The following LPIN2 variants were observed in gnomAD, a reference collection of about 807,000 sequenced individuals.
The protein encoded by LPIN2 is phosphatidate phosphatase LPIN2.
LPIN2 carries 55 observed loss-of-function variants against 111.4 expected under a neutral mutation model. The observed-to-expected ratio is 0.49, with a 90% confidence interval of 0.40 to 0.62. The LOEUF is 0.62. LPIN2 is among the 20% of genes least tolerant of loss of function. LPIN2 has a pLI of 0.00. For synonymous variants in LPIN2, 425 were observed against 414.0 expected (o/e 1.03, Z -0.32); for missense variants, 992 against 1,112.1 (o/e 0.89, Z 1.54).
intron 13 of LPIN2, among the ~76,000 whole-genome samples, chr18:2,926,084 C>T (rs1347550582): frequency 6.6e-6 from 1 of 152,146 alleles, no homozygotes; most frequent in East Asian, 1.9e-4. Flanking sequence ...ATGATTATGC[C>T]ATTGCACCCC....
chr18:2,965,928 A>T (rs548920012), intron 1 of LPIN2, among the ~76,000 whole-genome samples: 6 of 152,174 alleles, frequency 3.9e-5, no homozygotes, highest in Non-Finnish European at 2.9e-5. Context: ...AAATGGACAC[A>T]TTCTATTTAC....
intron 4 of LPIN2, among the ~76,000 whole-genome samples, chr18:2,942,022 T>A (rs1191259167): frequency 6.6e-6 from 1 of 152,224 alleles, no homozygotes; most frequent in Non-Finnish European, 1.5e-5. Context: ...AGATAATAAA[T>A]GTAAATGAGA....
intron 8 of LPIN2, among the ~76,000 whole-genome samples, chr18:2,933,058 T>C (rs764967810): frequency 4.0e-4 from 61 of 152,244 alleles, no homozygotes; most frequent in Non-Finnish European, 1.6e-4. Flanking sequence ...GTGTGATTTA[T>C]ATTAAAGTTT....
chr18:2,958,011 A>C (rs897387461), intron 2 of LPIN2, among the ~76,000 whole-genome samples: 3 of 151,570 alleles, frequency 2.0e-5, no homozygotes, highest in African/African-American at 7.3e-5. Flanking sequence ...GCGTGGTAGC[A>C]CGCGCCTATA....
intron 1 of LPIN2, among the ~76,000 whole-genome samples, chr18:3,005,837 G>T (rs1014168790): frequency 6.6e-6 from 1 of 152,166 alleles, no homozygotes; most frequent in Non-Finnish European, 1.5e-5. Context: ...ACCAACCTGG[G>T]CAACACAGCA....
chr18:3,007,758 T>C (rs2078538755), intron 1 of LPIN2, among the ~76,000 whole-genome samples: 3 of 152,370 alleles, frequency 2.0e-5, no homozygotes, highest in South Asian at 2.1e-4. Context: ...GAGCTTCTAA[T>C]TCATATTAAC....
Position 2,927,776 on chromosome 18 carries a change from T to C in LPIN2, c.1656A>G (p.Pro552=). The change falls in exon 12 of 20, where the codon CCA becomes CCG. Residue 552 remains proline, a synonymous_variant. Coordinates refer to ENST00000677752, the MANE Select transcript of LPIN2 (RefSeq NM_001375808.2). ...TVESWVKDKM[P]KKSGRWWFWR... ...AAAACCACCAGCGACCAGATTTCTTTGGCATCTTGTCTTTCACCCAGGACT... is the reference window on the plus strand; with the variant it reads ...AAAACCACCAGCGACCAGATTTCTTCGGCATCTTGTCTTTCACCCAGGACT... 1 of 1,614,226 alleles carries C rather than the reference T, an allele frequency of 6.2e-7. No individual in the cohort carries two copies. The highest frequency in any genetic ancestry group is 2.2e-5 in the East Asian group (1 of 44,876).
chr18:2,927,648 C>T, intron 12 of LPIN2, 74 bp downstream of exon 12: 1 of 1,543,228 alleles, frequency 6.5e-7, no homozygotes, highest in Non-Finnish European at 9.0e-7. Flanking sequence ...CTGTGCCTGA[C>T]AAAAAGGTTT....
chr18:2,926,659 T>C lies in LPIN2; in HGVS notation c.1793+64A>G, dbSNP rs1005831703. The C allele has an allele frequency of 4.9e-6, 7 of 1,420,164 alleles. No individual in the cohort carries two copies. The Admixed American group carries it at 5.3e-5, about 11-fold the overall frequency. 88.0% of individuals were successfully genotyped at this position (1,420,164 alleles called of 1,614,324 possible). A position where few individuals can be genotyped will look rare whatever the true frequency, so the allele number is the denominator to read the frequency against. Reference sequence around the variant, plus strand: ...ACTAAACAAGCTGCCAAAATCAACTTAGAAGTAATGGCCCTGCTAGAGGGC... The same window carrying C: ...ACTAAACAAGCTGCCAAAATCAACTCAGAAGTAATGGCCCTGCTAGAGGGC... On this transcript the variant is annotated intron_variant, in intron 13 of 19. Coordinates refer to ENST00000677752, the MANE Select transcript of LPIN2 (RefSeq NM_001375808.2).
chr18:2,989,135 T>C (rs933042961), intron 1 of LPIN2, among the ~76,000 whole-genome samples: 1 of 152,178 alleles, frequency 6.6e-6, no homozygotes, highest in African/African-American at 2.4e-5. Context: ...ATCCCTATAT[T>C]TTACAGATGA....
At chr18:2,944,390 C>T (rs1454089346) in intron 4 of LPIN2, among the ~76,000 whole-genome samples, 8 of 113,682 alleles carry the variant, frequency 7.0e-5, no homozygotes, top group Admixed American at 1.3e-4. Flanking sequence ...CTGGCTCTGT[C>T]GCCCAGGCTG....
chr18:2,952,632 A>G (rs1211674770), intron 3 of LPIN2, among the ~76,000 whole-genome samples: 3 of 152,304 alleles, frequency 2.0e-5, no homozygotes, highest in African/African-American at 4.8e-5. Flanking sequence ...AGAAATTGTA[A>G]TAAGATATTC....
chr18:2,966,885 T>C (rs1313813953), intron 1 of LPIN2: 1 of 152,146 alleles, frequency 6.6e-6, no homozygotes, highest in East Asian at 1.9e-4. Context: ...TGCAGCTAAC[T>C]TTCTGCTCAT....
intron 1 of LPIN2, among the ~76,000 whole-genome samples, chr18:2,987,966 T>C (rs2078210508): frequency 8.0e-6 from 1 of 125,702 alleles, no homozygotes; most frequent in South Asian, 2.5e-4. Context: ...TGAGCCAAGA[T>C]CATACCACTG....
chr18:2,969,344 G>C (rs2077864968), intron 1 of LPIN2, among the ~76,000 whole-genome samples: 1 of 152,186 alleles, frequency 6.6e-6, no homozygotes, highest in Non-Finnish European at 1.5e-5. Flanking sequence ...AAAGTACAGG[G>C]GAGTTTTTGA....
At chr18:2,934,477 G>T in intron 7 of LPIN2, 27 bp from the exon 8 acceptor site, 1 of 1,439,120 alleles carries the variant, frequency 6.9e-7, no homozygotes, top group Non-Finnish European at 9.8e-7. Context: ...TCAGAGGTAA[G>T]AATTTAGTTA....
At chr18:2,998,683 G>GT (rs2078381993) in intron 1 of LPIN2, among the ~76,000 whole-genome samples, 1 of 23,518 alleles carries the variant, frequency 4.3e-5, no homozygotes, top group Non-Finnish European at 3.6e-4. Flanking sequence ...ATACATGACA[G>GT]ATTTTTTTTT....
At chr18:2,939,925 A>G (rs1220532276) in intron 5 of LPIN2, among the ~76,000 whole-genome samples, 3 of 152,276 alleles carry the variant, frequency 2.0e-5, no homozygotes, top group East Asian at 3.8e-4. Flanking sequence ...GCAAATTAAC[A>G]TAACACCTGA....
Position 3,012,921 on chromosome 18 carries a change from C to A in LPIN2, c.-10+166G>T, listed in dbSNP as rs949255240. On this transcript the variant is annotated intron_variant, in intron 1 of 19. Coordinates refer to ENST00000677752, the MANE Select transcript of LPIN2 (RefSeq NM_001375808.2). ...GGACTGGGACGCGAGGACCGGGAAG[C>A]GGGGACCGCGGCGCGAGGAGGGGCG... 2.0e-5 allele frequency among the ~76,000 whole-genome samples: 3 copies of A among 151,318 alleles called. No individual in the cohort carries two copies. The East Asian group carries it at 5.8e-4, about 29-fold the overall frequency.
Sources: allele counts gnomAD v4.1 joint callset (sites outside exome capture counted in the v4.1 genomes callset), GRCh38; gene constraint gnomAD v4.1.1; transcripts MANE v1.5; gene names NCBI Gene and HGNC (gene_info 2026-07-23, HGNC 2026-07-21).